The following PTPRD variants were observed in gnomAD, a reference collection of about 807,000 sequenced individuals.
PTPRD encodes receptor-type tyrosine-protein phosphatase delta.
In PTPRD, 34 loss-of-function variants were observed where a neutral mutation model predicts 214.5. The ratio of observed to expected loss-of-function variants is 0.16; its 90% CI spans 0.12 to 0.21. The LOEUF (loss-of-function observed/expected upper bound fraction) is 0.21. Ranked by LOEUF, PTPRD falls within the 10% of genes least tolerant of loss-of-function variation. The pLI is 1.00. For missense variants in PTPRD, 2,545 were observed against 2,398.7 expected, an observed-to-expected ratio of 1.06 and a Z score of -1.27; for synonymous variants, 1,128 against 845.7, an observed-to-expected ratio of 1.33 and a Z score of -5.79.
At chr9:10,216,410 G>C (rs761452548) in intron 3 of PTPRD, among the ~76,000 whole-genome samples, 2 of 151,762 alleles carry the variant, frequency 1.3e-5, no homozygotes, top group Non-Finnish European at 2.9e-5. Flanking sequence ...TATCCATATA[G>C]CTTATATACA....
intron 8 of PTPRD, among the ~76,000 whole-genome samples, chr9:9,502,717 T>C (rs2096458534): frequency 6.6e-6 from 1 of 151,914 alleles, no homozygotes; most frequent in Non-Finnish European, 1.5e-5. Flanking sequence ...GATTAAACAA[T>C]TTGTGAAATA....
At chr9:9,365,360 A>C (rs975325672) in intron 9 of PTPRD, among the ~76,000 whole-genome samples, 1 of 151,560 alleles carries the variant, frequency 6.6e-6, no homozygotes, top group African/African-American at 2.4e-5. Context: ...GCCTTAATAG[A>C]GACTAAAGAT....
At chr9:10,566,410 C>A (rs1370947311) in intron 2 of PTPRD, among the ~76,000 whole-genome samples, 2 of 151,842 alleles carry the variant, frequency 1.3e-5, no homozygotes, top group Non-Finnish European at 2.9e-5. Context: ...GTTTTACAGT[C>A]TTAGTAATAT....
chr9:10,381,891 G>A (rs1215637455), intron 2 of PTPRD, among the ~76,000 whole-genome samples: 1 of 151,858 alleles, frequency 6.6e-6, no homozygotes, highest in Non-Finnish European at 1.5e-5. Flanking sequence ...AATGTAAAAA[G>A]TGATAATAGT....
intron 6 of PTPRD, among the ~76,000 whole-genome samples, chr9:9,735,586 C>G (rs571116493): frequency 6.6e-6 from 1 of 152,172 alleles, no homozygotes; most frequent in East Asian, 1.9e-4. Context: ...TGCTGGACCA[C>G]TAATTGGTAA....
chr9:9,950,930 C>T (rs907248261), intron 4 of PTPRD, among the ~76,000 whole-genome samples: 18 of 152,014 alleles, frequency 1.2e-4, no homozygotes, highest in Non-Finnish European at 2.1e-4. Context: ...TAGGTTAAAG[C>T]ATTTGAAATC....
At chr9:9,449,476 C>A (rs1215865786) in intron 8 of PTPRD, among the ~76,000 whole-genome samples, 1 of 151,934 alleles carries the variant, frequency 6.6e-6, no homozygotes, top group Admixed American at 6.6e-5. Context: ...TGTTTAACAG[C>A]AGGTCATAAT....
intron 5 of PTPRD, among the ~76,000 whole-genome samples, chr9:9,789,606 G>A (rs982608280): frequency 8.6e-5 from 13 of 151,594 alleles, no homozygotes; most frequent in African/African-American, 2.9e-4. Flanking sequence ...GACTATCCTG[G>A]CTAACACGAT....
chr9:8,341,972 T>C lies in PTPRD; in HGVS notation c.4668A>G (p.Gly1556=), dbSNP rs1303801383. ...CGATGAAGCAACCAGTCCGGCCAAC[T>C]CCCGCACTATGAGGAAAATAGAGAA... ...AGPMVVHCSA[G]VGRTGCFIVI... Residue 1556 remains glycine (G), a synonymous_variant, in exon 40 of 46, where the codon GGA becomes GGG. Transcript: ENST00000381196. 3.7e-6 allele frequency: 6 copies of C among 1,602,390 alleles called. No homozygotes were observed. The highest frequency in any genetic ancestry group is 5.1e-6 in the Non-Finnish European group (6 of 1,174,956).
intron 9 of PTPRD, among the ~76,000 whole-genome samples, chr9:9,190,404 A>T (rs10977557): frequency 1.3e-5 from 2 of 151,842 alleles, no homozygotes; most frequent in Non-Finnish European, 2.9e-5. Context: ...CACGAGATCC[A>T]GTGGGTTTAT....
intron 2 of PTPRD, among the ~76,000 whole-genome samples, chr9:10,414,769 G>A (rs1001539463): frequency 2.0e-5 from 3 of 151,858 alleles, no homozygotes; most frequent in African/African-American, 7.2e-5. Flanking sequence ...TAAAAAGAAT[G>A]AGATCATATC....
intron 14 of PTPRD, among the ~76,000 whole-genome samples, chr9:8,543,721 T>C (rs2079083427): frequency 6.6e-6 from 1 of 152,160 alleles, no homozygotes; most frequent in Non-Finnish European, 1.5e-5. Flanking sequence ...CTTTTCCTTT[T>C]TTTCTTTTTG....
intron 10 of PTPRD, among the ~76,000 whole-genome samples, chr9:9,132,120 G>A (rs937127185): frequency 6.6e-6 from 1 of 152,112 alleles, no homozygotes; most frequent in Non-Finnish European, 1.5e-5. Context: ...CCGTTCTCCT[G>A]CCTCAGCCTC....
At chr9:10,362,238 C>G (rs1201349351) in intron 2 of PTPRD, among the ~76,000 whole-genome samples, 1 of 152,024 alleles carries the variant, frequency 6.6e-6, no homozygotes, top group Admixed American at 6.6e-5. Context: ...GTAACAATTT[C>G]TCACACTTAC....
intron 2 of PTPRD, among the ~76,000 whole-genome samples, chr9:10,398,123 C>T (rs903580074): frequency 6.6e-6 from 1 of 151,428 alleles, no homozygotes; most frequent in Non-Finnish European, 1.5e-5. Context: ...TCACACCTGT[C>T]ATCCCAACAC....
At chr9:9,754,551 G>C (rs2098550991) in intron 6 of PTPRD, among the ~76,000 whole-genome samples, 1 of 151,944 alleles carries the variant, frequency 6.6e-6, no homozygotes, top group Non-Finnish European at 1.5e-5. Context: ...GCATCTTTGA[G>C]ACATTTTATT....
At chr9:10,185,399 A>T (rs1192377894) in intron 3 of PTPRD, among the ~76,000 whole-genome samples, 1 of 152,188 alleles carries the variant, frequency 6.6e-6, no homozygotes, top group Non-Finnish European at 1.5e-5. Context: ...TGCTTTGAGA[A>T]GTCTTGTCAC....
At chr9:9,477,044 A>G (rs561745354) in intron 8 of PTPRD, among the ~76,000 whole-genome samples, 2 of 152,132 alleles carry the variant, frequency 1.3e-5, no homozygotes, top group African/African-American at 4.8e-5. Context: ...CCTTCATACC[A>G]TTATTTCTAA....
At chr9:10,126,174 T>A (rs2098817616) in intron 3 of PTPRD, among the ~76,000 whole-genome samples, 1 of 152,136 alleles carries the variant, frequency 6.6e-6, no homozygotes, top group South Asian at 2.1e-4. Context: ...GGGCATATAC[T>A]CATACTGTTA....
Sources: allele counts gnomAD v4.1 joint callset (sites outside exome capture counted in the v4.1 genomes callset), GRCh38; gene constraint gnomAD v4.1.1; transcripts MANE v1.5; gene names NCBI Gene and HGNC (gene_info 2026-07-23, HGNC 2026-07-21).